Variants in CSMD2 observed in about 807,000 individuals in gnomAD.
The protein encoded by CSMD2 is CUB and sushi domain-containing protein 2.
In CSMD2, 130 loss-of-function variants were observed where a neutral mutation model predicts 398.5. The observed-to-expected ratio is 0.33, with a 90% CI of 0.28 to 0.38. The LOEUF (loss-of-function observed/expected upper bound fraction) is 0.38, where lower values mean the gene tolerates loss of function less well. CSMD2 is among the 10% of genes least tolerant of loss of function. CSMD2 has a pLI of 1.00. For synonymous variants in CSMD2, 1,828 were observed against 1,908.5 expected (o/e 0.96, Z 1.10); for missense variants, 3,829 against 4,764.9 (o/e 0.80, Z 5.78).
intron 45 of CSMD2, among the ~76,000 whole-genome samples, 182 bp downstream of exon 45, chr1:33,586,906 C>A (rs770820748): frequency 6.6e-6 from 1 of 152,184 alleles, no homozygotes; most frequent in Non-Finnish European, 1.5e-5. Flanking sequence ...TTCTGCCTCC[C>A]CTTTTGATTT....
intron 43 of CSMD2, 91 bp from the exon 44 acceptor site, chr1:33,601,101 G>A: frequency 6.6e-7 from 1 of 1,517,676 alleles, no homozygotes; most frequent in East Asian, 2.3e-5. Context: ...GACAGACCTG[G>A]AGTGGGAGGC....
chr1:33,858,469 T>C (rs1639254772), intron 5 of CSMD2, among the ~76,000 whole-genome samples: 1 of 152,198 alleles, frequency 6.6e-6, no homozygotes, highest in Admixed American at 6.5e-5. Flanking sequence ...AAGCTTGAGT[T>C]CGAAGCCTGG....
rs543745971 is a variant in CSMD2 at position 34,063,138 on chromosome 1, T to C, written c.404+25839A>G. On this transcript the variant is annotated intron_variant, in intron 2 of 70. Transcript: ENST00000373381. ...CCCACCTGATCCTTCCCACAGCATG[T>C]AGGAATTATGGGAGTACAATTCAAG... 5.9e-5 allele frequency among the ~76,000 whole-genome samples: 9 copies of C among 152,238 alleles called. No homozygotes were observed. The South Asian group carries it at 1.0e-3, about 18-fold the overall frequency.
At chr1:34,021,544 C>A (rs1648884923) in intron 3 of CSMD2, among the ~76,000 whole-genome samples, 1 of 152,180 alleles carries the variant, frequency 6.6e-6, no homozygotes, top group Non-Finnish European at 1.5e-5. Flanking sequence ...GTTTGGGGGT[C>A]TCTGGGCCCC....
At chr1:34,051,611 T>C (rs1286801200) in intron 2 of CSMD2, among the ~76,000 whole-genome samples, 2 of 152,160 alleles carry the variant, frequency 1.3e-5, no homozygotes, top group African/African-American at 4.8e-5. Flanking sequence ...TTTTACACCA[T>C]AGTATTTAAG....
intron 5 of CSMD2, among the ~76,000 whole-genome samples, chr1:33,912,514 T>C (rs574699063): frequency 6.6e-6 from 1 of 151,654 alleles, no homozygotes; most frequent in Non-Finnish European, 1.5e-5. Flanking sequence ...TTCCCTGTTG[T>C]AGGAAGAATT....
At chr1:34,159,591 C>A (rs543879256) in intron 1 of CSMD2, among the ~76,000 whole-genome samples, 2 of 152,320 alleles carry the variant, frequency 1.3e-5, no homozygotes, top group South Asian at 4.1e-4. Flanking sequence ...TGTGGCTCGG[C>A]TATTTACTTA....
At chr1:33,649,127 G>A (rs1643620162) in intron 28 of CSMD2, among the ~76,000 whole-genome samples, 1 of 152,126 alleles carries the variant, frequency 6.6e-6, no homozygotes, top group South Asian at 2.1e-4. Flanking sequence ...CCACTCTTAA[G>A]TATATATCTA....
chr1:33,803,016 C>T (rs1360512356), intron 10 of CSMD2, among the ~76,000 whole-genome samples: 3 of 152,180 alleles, frequency 2.0e-5, no homozygotes, highest in Non-Finnish European at 4.4e-5. Flanking sequence ...GTTGCTGCCC[C>T]TAGAGCTTCA....
At chr1:33,751,546 C>T (rs1179774808) in intron 13 of CSMD2, among the ~76,000 whole-genome samples, 1 of 152,200 alleles carries the variant, frequency 6.6e-6, no homozygotes, top group Non-Finnish European at 1.5e-5. Flanking sequence ...GGTACATAGA[C>T]ATCCTGCTAC....
chr1:33,786,984 A>G (rs1420609156), intron 12 of CSMD2, among the ~76,000 whole-genome samples: 2 of 152,222 alleles, frequency 1.3e-5, no homozygotes, highest in African/African-American at 2.4e-5. Flanking sequence ...CTGCAAATGT[A>G]ATCAAGTTAA....
intron 19 of CSMD2, among the ~76,000 whole-genome samples, chr1:33,718,704 T>C (rs903956016): frequency 6.6e-6 from 1 of 152,246 alleles, no homozygotes; most frequent in African/African-American, 2.4e-5. Context: ...AAATGATTTA[T>C]ACACACTTAC....
chr1:33,742,905 G>T (rs961317110), intron 14 of CSMD2, among the ~76,000 whole-genome samples: 41 of 152,214 alleles, frequency 2.7e-4, no homozygotes, highest in African/African-American at 9.4e-4. Flanking sequence ...ACCTCAGAGA[G>T]GGCATCAGAA....
At chr1:33,735,843 AC>A (rs1425713623) in intron 15 of CSMD2, among the ~76,000 whole-genome samples, 2 of 152,204 alleles carry the variant, frequency 1.3e-5, no homozygotes, top group East Asian at 3.8e-4. Context: ...TAGAAAAAAA[AC>A]GGAAAAGACA....
intron 3 of CSMD2, among the ~76,000 whole-genome samples, chr1:33,951,122 C>G (rs1644995442): frequency 6.6e-6 from 1 of 152,230 alleles, no homozygotes; most frequent in Non-Finnish European, 1.5e-5. Context: ...ACCTTCCACC[C>G]TCTTTTCCCA....
At position 34,048,577 on chromosome 1, in the gene CSMD2, G is replaced by C. The variant is rs75510994; in HGVS notation, c.405-15871C>G. Among the ~76,000 whole-genome samples, 457 of 152,318 alleles carry C rather than the reference G, an allele frequency of 3.0e-3. 1 individual carries two copies. The highest frequency in any genetic ancestry group is 0.011 in the African/African-American group (439 of 41,580). ...CTCTGAGAATTCTAAGAAGGCAAAA[G>C]ATGCTGAACATGCCTGCAAGAGGAT... On this transcript the variant is annotated intron_variant, in intron 2 of 70. Coordinates refer to ENST00000373381, the MANE Select transcript of CSMD2 (RefSeq NM_001281956.2).
chr1:34,165,602 A>T, upstream of CSMD2: 1 of 615,346 alleles, frequency 1.6e-6, no homozygotes, highest in Admixed American at 2.8e-5. Context: ...ACACACAAAC[A>T]CACACACACA....
intron 4 of CSMD2, among the ~76,000 whole-genome samples, chr1:33,922,978 T>G (rs561460270): frequency 6.6e-6 from 1 of 152,222 alleles, no homozygotes; most frequent in African/African-American, 2.4e-5. Flanking sequence ...CTGTGATGTT[T>G]TGATATATGT....
intron 3 of CSMD2, among the ~76,000 whole-genome samples, chr1:33,980,139 G>C (rs1570701907): frequency 6.6e-6 from 1 of 152,128 alleles, no homozygotes; most frequent in Non-Finnish European, 1.5e-5. Flanking sequence ...TGGGACTCTG[G>C]AACCTGGCCA....
Sources: allele counts gnomAD v4.1 joint callset (sites outside exome capture counted in the v4.1 genomes callset), GRCh38; gene constraint gnomAD v4.1.1; transcripts MANE v1.5; gene names NCBI Gene and HGNC (gene_info 2026-07-23, HGNC 2026-07-21).